DPP10: variants seen among roughly 807,000 people sequenced by gnomAD.
DPP10 encodes the protein dipeptidyl peptidase like 10, also known as inactive dipeptidyl peptidase 10.
A neutral mutation model predicts 120.9 loss-of-function variants in DPP10; 33 were observed. That is an observed-to-expected ratio of 0.27 (90% CI 0.21 to 0.37). The LOEUF (loss-of-function observed/expected upper bound fraction) is 0.37, where lower values mean the gene tolerates loss of function less well. Among genes scored for constraint, DPP10 ranks in the 10% least tolerant of loss-of-function variants. The probability of loss-of-function intolerance (pLI) is 1.00; values close to 1 mark genes in which losing one functional copy is unlikely to be tolerated. For synonymous variants in DPP10, 337 were observed against 326.1 expected (o/e 1.03, Z -0.36); for missense variants, 816 against 942.8 (o/e 0.87, Z 1.76).
intron 1 of DPP10, among the ~76,000 whole-genome samples, chr2:114,990,091 A>T (rs1043521139): frequency 6.6e-6 from 1 of 152,198 alleles, no homozygotes; most frequent in African/African-American, 2.4e-5. Context: ...CAAGGTGAAT[A>T]GCTGAATAAT....
rs999131195 is a variant in DPP10 at position 115,560,405 on chromosome 2, T to A, written c.441+34433T>A. ...AAAAAAAAAAAAAAAAAAAAAAAAA[T>A]ATATATATATATATATATATATATA... is the stretch of plus-strand genomic sequence containing the variant. On this transcript the variant is annotated intron_variant, in intron 5 of 25. Transcript: ENST00000410059. Among the ~76,000 whole-genome samples the A allele has an allele frequency of 6.9e-3, 75 of 10,836 alleles. 2 individuals carry two copies. The highest frequency in any genetic ancestry group is 0.013 in the African/African-American group (26 of 2,004). 7.1% of individuals were successfully genotyped at this position (10,836 alleles called of 152,430 possible).
chr2:115,144,528 T>C (rs1334037197), intron 1 of DPP10, among the ~76,000 whole-genome samples: 1 of 151,604 alleles, frequency 6.6e-6, no homozygotes, highest in Non-Finnish European at 1.5e-5. Context: ...ATCAGAAAAT[T>C]AGGCAGGGTT....
At chr2:115,743,429 C>T (rs1034069447) in intron 9 of DPP10, among the ~76,000 whole-genome samples, 34 of 152,186 alleles carry the variant, frequency 2.2e-4, no homozygotes, top group Admixed American at 2.0e-4. Flanking sequence ...ATAACTGATA[C>T]GTCTTTAAGA....
chr2:115,285,433 A>G (rs567330950), intron 1 of DPP10, among the ~76,000 whole-genome samples: 1 of 152,142 alleles, frequency 6.6e-6, no homozygotes, highest in African/African-American at 2.4e-5. Flanking sequence ...TTATCTCTAC[A>G]TGTTGATTTA....
chr2:115,730,675 G>A (rs756786994), intron 8 of DPP10, among the ~76,000 whole-genome samples: 32 of 152,118 alleles, frequency 2.1e-4, no homozygotes, highest in Non-Finnish European at 3.8e-4. Context: ...GACAAATACG[G>A]TAATTTTCTT....
chr2:115,057,799 G>A (rs1706050621), intron 1 of DPP10, among the ~76,000 whole-genome samples: 1 of 152,156 alleles, frequency 6.6e-6, no homozygotes. Flanking sequence ...GGCTTTGAAG[G>A]TTATTCAGGA....
chr2:114,886,038 A>AT (rs765966396), intron 1 of DPP10, among the ~76,000 whole-genome samples: 1 of 152,166 alleles, frequency 6.6e-6, no homozygotes, highest in Non-Finnish European at 1.5e-5. Flanking sequence ...TGAGACTGTT[A>AT]TTTCCATTAT....
At chr2:115,766,158 A>G (rs552631643) in intron 12 of DPP10, among the ~76,000 whole-genome samples, 1 of 151,798 alleles carries the variant, frequency 6.6e-6, no homozygotes, top group African/African-American at 2.4e-5. Flanking sequence ...ACATACATAC[A>G]TAAGTATGTA....
At chr2:114,582,302 T>C (rs1298568597) in intron 1 of DPP10, among the ~76,000 whole-genome samples, 1 of 152,234 alleles carries the variant, frequency 6.6e-6, no homozygotes, top group Non-Finnish European at 1.5e-5. Context: ...TGAATAATAT[T>C]CCATTGTCTA....
At chr2:114,965,597 A>T (rs1203690780) in intron 1 of DPP10, among the ~76,000 whole-genome samples, 1 of 152,134 alleles carries the variant, frequency 6.6e-6, no homozygotes, top group Non-Finnish European at 1.5e-5. Context: ...AATCTAGGTG[A>T]TTGGTTAAGA....
At chr2:114,592,870 T>C (rs969812822) in intron 1 of DPP10, among the ~76,000 whole-genome samples, 1 of 152,218 alleles carries the variant, frequency 6.6e-6, no homozygotes, top group Non-Finnish European at 1.5e-5. Context: ...GTCTTGAAGG[T>C]ACACCAGTCT....
chr2:114,690,853 AT>A lies in DPP10; in HGVS notation c.60+248018del, dbSNP rs1431597953. Among the ~76,000 whole-genome samples the A allele has an allele frequency of 6.6e-5, 10 of 151,902 alleles. No individual in the cohort carries two copies. In the East Asian group the frequency reaches 1.9e-3, roughly 29 times the overall value. ...AGTTTTGAATGGGAGTTCATTCATG[AT>A]TTGGCTCTCTGCTTGCCTGTTGTCA... On this transcript the variant is annotated intron_variant, in intron 1 of 25. Coordinates refer to ENST00000410059, the MANE Select transcript of DPP10 (RefSeq NM_020868.6).
At chr2:114,612,280 C>T (rs917027320) in intron 1 of DPP10, among the ~76,000 whole-genome samples, 2 of 152,112 alleles carry the variant, frequency 1.3e-5, no homozygotes, top group Non-Finnish European at 2.9e-5. Context: ...TTCCTGCATC[C>T]CTTTTTATCC....
chr2:115,212,490 A>G (rs1254591946), intron 1 of DPP10, among the ~76,000 whole-genome samples: 2 of 152,170 alleles, frequency 1.3e-5, no homozygotes, highest in African/African-American at 4.8e-5. Flanking sequence ...ATACATCTGA[A>G]AAGTCCATGC....
At chr2:115,281,972 GTTA>G (rs1292991946) in intron 1 of DPP10, among the ~76,000 whole-genome samples, 1 of 151,906 alleles carries the variant, frequency 6.6e-6, no homozygotes, top group Non-Finnish European at 1.5e-5. Context: ...TACTGTTGTT[GTTA>G]TTATTATTAC....
At chr2:115,647,317 G>A (rs1387753405) in intron 5 of DPP10, among the ~76,000 whole-genome samples, 3 of 152,100 alleles carry the variant, frequency 2.0e-5, no homozygotes, top group Admixed American at 6.6e-5. Context: ...TGAAGTTGTG[G>A]CAGCAGCACA....
intron 1 of DPP10, among the ~76,000 whole-genome samples, chr2:115,106,488 C>T (rs1181220920): frequency 1.3e-5 from 2 of 152,150 alleles, no homozygotes; most frequent in Non-Finnish European, 2.9e-5. Flanking sequence ...AGACAGGGGT[C>T]ATGCTTCGTC....
intron 1 of DPP10, among the ~76,000 whole-genome samples, chr2:114,944,847 T>G (rs1697229033): frequency 6.6e-6 from 1 of 152,122 alleles, no homozygotes; most frequent in Non-Finnish European, 1.5e-5. Context: ...AATCAGGAGT[T>G]TTTGCAATGA....
At chr2:115,640,318 A>C (rs145824768) in intron 5 of DPP10, among the ~76,000 whole-genome samples, 12 of 118,456 alleles carry the variant, frequency 1.0e-4, no homozygotes, top group African/African-American at 3.6e-4. Flanking sequence ...GAAAAATGAG[A>C]ACTTCACACT....
Sources: gnomAD v4.1 joint callset for allele counts (sites outside exome capture counted in the v4.1 genomes callset) on GRCh38, gnomAD v4.1.1 for gene constraint, MANE v1.5 for transcripts, NCBI Gene and HGNC (gene_info 2026-07-23, HGNC 2026-07-21) for gene names.